Variants in MAB21L3 observed in about 807,000 individuals in gnomAD.
MAB21L3 encodes the protein mab-21 like 3.
MAB21L3 carries 36 observed loss-of-function variants against 37.7 expected under a neutral mutation model. That is an observed-to-expected ratio of 0.96 (90% confidence interval 0.73 to 1.26). The LOEUF is 1.26. Among genes scored for constraint, MAB21L3 ranks in the 50% most tolerant of loss-of-function variants. The pLI is 0.00. For synonymous variants in MAB21L3, 186 were observed against 176.8 expected, an observed-to-expected ratio of 1.05 and a Z score of -0.41; for missense variants, 430 against 447.3, an observed-to-expected ratio of 0.96 and a Z score of 0.35.
Position 116,137,810 on chromosome 1 carries a change from C to T in MAB21L3, c.*4445C>T, listed in dbSNP as rs1443566585. Among the ~76,000 whole-genome samples, 1 of 151,728 alleles carries T rather than the reference C, an allele frequency of 6.6e-6. No individual in the cohort carries two copies. The highest frequency in any genetic ancestry group is 1.5e-5 in the Non-Finnish European group (1 of 67,938). ...ATGCAGCCATAAAAAATGATGAGTTCATGTCCTTTGTAGGGACATGGGTGA... is the reference window on the plus strand; with the variant it reads ...ATGCAGCCATAAAAAATGATGAGTTTATGTCCTTTGTAGGGACATGGGTGA... On this transcript the variant is annotated 3_prime_UTR_variant, in exon 8 of 8. Transcript: ENST00000369500.
chr1:116,117,786 C>T (rs1039592159), intron 3 of MAB21L3, among the ~76,000 whole-genome samples: 3 of 152,196 alleles, frequency 2.0e-5, no homozygotes, highest in Non-Finnish European at 4.4e-5. Flanking sequence ...CTATAAAGAA[C>T]ATAGACGTCA....
chr1:116,114,492 T>C (rs1570800734), intron 3 of MAB21L3, among the ~76,000 whole-genome samples: 1 of 152,156 alleles, frequency 6.6e-6, no homozygotes, highest in Non-Finnish European at 1.5e-5. Context: ...ATTGAGAGGG[T>C]ACTGAAGTTT....
intron 7 of MAB21L3, 47 bp from the exon 8 acceptor site, chr1:116,133,085 C>A: frequency 1.3e-6 from 2 of 1,488,892 alleles, no homozygotes; most frequent in South Asian, 1.2e-5. Context: ...AAGCTATCCT[C>A]CTCAATTGCC....
At position 116,124,364 on chromosome 1, in the gene MAB21L3, T is replaced by A. The variant is rs375292205; in HGVS notation, c.481+7T>A. On this transcript the variant is annotated splice_region_variant and intron_variant, in intron 5 of 7. Coordinates refer to ENST00000369500, the MANE Select transcript of MAB21L3 (RefSeq NM_152367.3). ...AGAACCTGTCACCTCTCAGGTGAGC[T>A]GATCAGGAACAAGTGCAAGGGTAAT... 3.1e-6 allele frequency: 5 copies of A among 1,608,640 alleles called. No homozygotes were observed. In the African/African-American group the frequency reaches 6.7e-5, roughly 21 times the overall value.
At chr1:116,127,412 T>C in intron 5 of MAB21L3, 54 bp from the exon 6 acceptor site, 1 of 1,561,846 alleles carries the variant, frequency 6.4e-7, no homozygotes. Context: ...GTTTGAACGC[T>C]TGTAATGTGC....
Position 116,112,517 on chromosome 1 carries a change from C to T in MAB21L3, c.-99C>T. The T allele has an allele frequency of 9.3e-7, 1 of 1,077,488 alleles. No individual in the cohort carries two copies. The allele number at this position is 1,077,488 out of a possible 1,614,324, so 66.7% of individuals were successfully genotyped here. ...GAAAAACTTAGTACCCAGAGACTCA[C>T]ATTACTGGGAGTGCTATCTACTCAC... is the stretch of plus-strand genomic sequence containing the variant. On this transcript the variant is annotated 5_prime_UTR_variant, in exon 3 of 8. Coordinates refer to ENST00000369500, the MANE Select transcript of MAB21L3 (RefSeq NM_152367.3).
Position 116,134,592 on chromosome 1 carries a change from A to C in MAB21L3, c.*1227A>C, listed in dbSNP as rs1660163919. ...CCTGGCCTTGTAAAGCCAGGAAGGA[A>C]TCAGTATTTTATTCTAAGATCAAAG... is the stretch of plus-strand genomic sequence containing the variant. On this transcript the variant is annotated 3_prime_UTR_variant, in exon 8 of 8. Transcript: ENST00000369500. The C allele has an allele frequency of 6.6e-6, 1 of 152,222 alleles. No individual in the cohort carries two copies. The highest frequency in any genetic ancestry group is 2.4e-5 in the African/African-American group (1 of 41,452). The allele number at this position is 152,222 out of a possible 1,614,324, so 9.4% of individuals were successfully genotyped here.
intron 3 of MAB21L3, among the ~76,000 whole-genome samples, chr1:116,119,832 T>G (rs1288995826): frequency 6.6e-6 from 1 of 152,196 alleles, no homozygotes; most frequent in African/African-American, 2.4e-5. Context: ...TCCCTAAACT[T>G]TAAGTATCTG....
intron 4 of MAB21L3, 88 bp downstream of exon 4, chr1:116,121,160 C>T (rs2101612245): frequency 7.9e-7 from 1 of 1,273,878 alleles, no homozygotes; most frequent in South Asian, 1.4e-5. Context: ...ATGCTTGCCT[C>T]ACTCAGAATA....
At chr1:116,119,734 G>A (rs1029647173) in intron 3 of MAB21L3, among the ~76,000 whole-genome samples, 3 of 152,122 alleles carry the variant, frequency 2.0e-5, no homozygotes, top group African/African-American at 7.2e-5. Context: ...GAAAAAACTT[G>A]CAGACCCTTC....
intron 3 of MAB21L3, among the ~76,000 whole-genome samples, chr1:116,119,794 T>C (rs1337387453): frequency 3.3e-5 from 5 of 152,212 alleles, no homozygotes; most frequent in Non-Finnish European, 5.9e-5. Context: ...TACTAAAAGT[T>C]CCTTTGTGTT....
At chr1:116,119,745 C>T (rs190128789) in intron 3 of MAB21L3, among the ~76,000 whole-genome samples, 22 of 152,192 alleles carry the variant, frequency 1.4e-4, no homozygotes, top group Admixed American at 3.3e-4. Context: ...CAGACCCTTC[C>T]GTATCTTATT....
chr1:116,116,595 G>A (rs968680535), intron 3 of MAB21L3, among the ~76,000 whole-genome samples: 1 of 152,170 alleles, frequency 6.6e-6, no homozygotes, highest in Non-Finnish European at 1.5e-5. Flanking sequence ...TAAGGGTGTG[G>A]CAAAGTGTGA....
intron 4 of MAB21L3, 52 bp downstream of exon 4, chr1:116,121,124 G>A: frequency 1.9e-6 from 3 of 1,569,676 alleles, no homozygotes; most frequent in Non-Finnish European, 1.7e-6. Flanking sequence ...AGGACACTTG[G>A]GCAGGTGAAT....
rs1659451408 is a variant in MAB21L3 at position 116,112,551 on chromosome 1, C to T, written c.-65C>T. On this transcript the variant is annotated 5_prime_UTR_variant, in exon 3 of 8. Coordinates refer to ENST00000369500, the MANE Select transcript of MAB21L3 (RefSeq NM_152367.3). ...GAGTGCTATCTACTCACAAGTGTTGCACTCCATTGAGAAAAAAAAAAAAAC... is the reference window on the plus strand; with the variant it reads ...GAGTGCTATCTACTCACAAGTGTTGTACTCCATTGAGAAAAAAAAAAAAAC... The T allele has an allele frequency of 1.4e-6, 2 of 1,458,446 alleles. No homozygotes were observed. Among genetic ancestry groups the T allele is most frequent in the Non-Finnish European group, 1.9e-6 (2 of 1,043,178 alleles). 90.3% of individuals were successfully genotyped at this position (1,458,446 alleles called of 1,614,324 possible). A position where few individuals can be genotyped will look rare whatever the true frequency, so the allele number is the denominator to read the frequency against.
At chr1:116,114,528 G>T (rs891381157) in intron 3 of MAB21L3, among the ~76,000 whole-genome samples, 1 of 152,180 alleles carries the variant, frequency 6.6e-6, no homozygotes, top group Non-Finnish European at 1.5e-5. Context: ...TACTCCAAAG[G>T]CCGAACGTCC....
chr1:116,118,942 G>T (rs1053989129), intron 3 of MAB21L3, among the ~76,000 whole-genome samples: 1 of 152,204 alleles, frequency 6.6e-6, no homozygotes, highest in Non-Finnish European at 1.5e-5. Flanking sequence ...AGATTGCAGT[G>T]ATTTTAATTT....
chr1:116,116,490 A>G (rs533629063), intron 3 of MAB21L3, among the ~76,000 whole-genome samples: 1 of 151,888 alleles, frequency 6.6e-6, no homozygotes, highest in Admixed American at 6.6e-5. Flanking sequence ...GAGACCTAGG[A>G]CTCCTTATTT....
chr1:116,114,810 A>T (rs897936168), intron 3 of MAB21L3, among the ~76,000 whole-genome samples: 1 of 152,202 alleles, frequency 6.6e-6, no homozygotes, highest in Non-Finnish European at 1.5e-5. Flanking sequence ...ATTTCAACAG[A>T]TTGCTGGAGG....
Sources: gnomAD v4.1 joint callset for allele counts (sites outside exome capture counted in the v4.1 genomes callset) on GRCh38, gnomAD v4.1.1 for gene constraint, MANE v1.5 for transcripts, NCBI Gene and HGNC (gene_info 2026-07-23, HGNC 2026-07-21) for gene names.